Variants in HPSE2 observed in about 807,000 individuals in gnomAD.
HPSE2 encodes the protein heparanase 2 (inactive).
Under a neutral mutation model 60.5 loss-of-function variants are expected in HPSE2, and 38 were observed. That is an observed-to-expected ratio of 0.63 (90% CI 0.48 to 0.82). The LOEUF is 0.82. Ranked by LOEUF, HPSE2 falls within the 40% of genes least tolerant of loss-of-function variation. The pLI, the probability that HPSE2 is intolerant of heterozygous loss-of-function variation, is 0.00. For synonymous variants in HPSE2, 295 were observed against 293.2 expected, an observed-to-expected ratio of 1.01 and a Z score of -0.06; for missense variants, 713 against 740.4, an observed-to-expected ratio of 0.96 and a Z score of 0.43.
intron 9 of HPSE2, among the ~76,000 whole-genome samples, chr10:98,541,044 T>C (rs1236210262): frequency 6.6e-6 from 1 of 152,202 alleles, no homozygotes; most frequent in Non-Finnish European, 1.5e-5. Context: ...ATTAATTCTC[T>C]TCATATAATT....
chr10:99,136,496 A>C (rs1386605589), intron 3 of HPSE2, among the ~76,000 whole-genome samples: 1 of 152,222 alleles, frequency 6.6e-6, no homozygotes, highest in Non-Finnish European at 1.5e-5. Context: ...CCTCAATAAA[A>C]TACTGGCAAA....
intron 9 of HPSE2, among the ~76,000 whole-genome samples, chr10:98,560,751 T>C (rs1810489911): frequency 6.6e-6 from 1 of 152,206 alleles, no homozygotes; most frequent in African/African-American, 2.4e-5. Flanking sequence ...CACAAGACTA[T>C]AATAGAGCTG....
intron 3 of HPSE2, among the ~76,000 whole-genome samples, chr10:98,817,841 T>G (rs565945701): frequency 6.6e-6 from 1 of 152,356 alleles, no homozygotes; most frequent in East Asian, 1.9e-4. Context: ...TCACCAAGAT[T>G]ACTGAGGACC....
intron 6 of HPSE2, among the ~76,000 whole-genome samples, chr10:98,666,529 G>A (rs1342120671): frequency 1.3e-5 from 2 of 152,044 alleles, no homozygotes; most frequent in East Asian, 3.8e-4. Context: ...ACTACATGCT[G>A]AGTCATAGAG....
chr10:99,011,430 T>C (rs1454122848), intron 3 of HPSE2, among the ~76,000 whole-genome samples: 8 of 151,940 alleles, frequency 5.3e-5, no homozygotes, highest in Non-Finnish European at 2.9e-5. Context: ...CTAAAACGTA[T>C]CAGTTTGGAT....
At chr10:99,019,852 C>T (rs564997253) in intron 3 of HPSE2, among the ~76,000 whole-genome samples, 22 of 151,854 alleles carry the variant, frequency 1.4e-4, no homozygotes, top group South Asian at 4.2e-4. Context: ...GCTGAGATTA[C>T]GGGCATGCAC....
the HPSE2 span, among the ~76,000 whole-genome samples, chr10:99,270,764 G>T: frequency 1.5e-4 from 23 of 152,270 alleles, no homozygotes; most frequent in African/African-American, 5.3e-4. Flanking sequence ...GAATCCAACA[G>T]TGTATCAAAA....
At chr10:98,723,168 G>T (rs1948973437) in intron 4 of HPSE2, among the ~76,000 whole-genome samples, 1 of 152,138 alleles carries the variant, frequency 6.6e-6, no homozygotes, top group Non-Finnish European at 1.5e-5. Context: ...AGAGTTTTTA[G>T]CATGAAGGTG....
intron 3 of HPSE2, among the ~76,000 whole-genome samples, chr10:98,796,126 G>T (rs1950774462): frequency 6.6e-6 from 1 of 152,172 alleles, no homozygotes; most frequent in African/African-American, 2.4e-5. Flanking sequence ...GACTCCTTGT[G>T]TTTGAGAAAG....
intron 3 of HPSE2, among the ~76,000 whole-genome samples, chr10:99,117,205 TTAA>T (rs1844729080): frequency 6.6e-6 from 1 of 150,944 alleles, no homozygotes; most frequent in African/African-American, 2.4e-5. Context: ...AATTAATTAA[TTAA>T]TAAATTAAAT....
At chr10:99,137,521 GC>G (rs1347414429) in intron 3 of HPSE2, among the ~76,000 whole-genome samples, 1 of 152,170 alleles carries the variant, frequency 6.6e-6, no homozygotes, top group African/African-American at 2.4e-5. Flanking sequence ...AACCAAAACA[GC>G]ATGGTACTGG....
intron 9 of HPSE2, among the ~76,000 whole-genome samples, chr10:98,516,339 G>A (rs942056002): frequency 6.6e-6 from 1 of 152,158 alleles, no homozygotes; most frequent in African/African-American, 2.4e-5. Flanking sequence ...TGTATTCGGT[G>A]CTTTATAAAT....
chr10:99,108,357 C>A (rs556497834), intron 3 of HPSE2, among the ~76,000 whole-genome samples: 4 of 151,646 alleles, frequency 2.6e-5, no homozygotes, highest in Admixed American at 6.6e-5. Flanking sequence ...CTGAAAGAAA[C>A]CTGTAGCAAC....
chr10:99,062,436 T>C (rs1162016900), intron 3 of HPSE2, among the ~76,000 whole-genome samples: 1 of 152,240 alleles, frequency 6.6e-6, no homozygotes, highest in African/African-American at 2.4e-5. Context: ...GTCATTCTTC[T>C]TATTCACAGA....
chr10:98,479,668 A>G (rs1310265352), intron 11 of HPSE2, among the ~76,000 whole-genome samples: 1 of 152,242 alleles, frequency 6.6e-6, no homozygotes, highest in African/African-American at 2.4e-5. Flanking sequence ...ATTTATAGGC[A>G]GAACAGACTC....
At chr10:98,964,605 A>G (rs910327621) in intron 3 of HPSE2, among the ~76,000 whole-genome samples, 1 of 151,958 alleles carries the variant, frequency 6.6e-6, no homozygotes, top group Non-Finnish European at 1.5e-5. Flanking sequence ...TTCACTCTAG[A>G]TGTTAGTATT....
chr10:98,728,311 G>A (rs1589721308), intron 4 of HPSE2, among the ~76,000 whole-genome samples: 1 of 152,252 alleles, frequency 6.6e-6, no homozygotes, highest in East Asian at 1.9e-4. Flanking sequence ...ACTGAAGCAA[G>A]TTTCTGTATT....
chr10:98,600,603 G>C (rs967432763), intron 9 of HPSE2, among the ~76,000 whole-genome samples: 11 of 151,710 alleles, frequency 7.3e-5, no homozygotes, highest in Admixed American at 7.2e-4. Flanking sequence ...TCATGGAGAA[G>C]GAGGAAAAAA....
At chr10:98,817,600 T>C (rs1404681651) in intron 3 of HPSE2, among the ~76,000 whole-genome samples, 6 of 152,186 alleles carry the variant, frequency 3.9e-5, no homozygotes, top group Non-Finnish European at 5.9e-5. Context: ...CTTGAAGCTC[T>C]GGTTTCTTCT....
Sources: allele counts gnomAD v4.1 joint callset (sites outside exome capture counted in the v4.1 genomes callset), GRCh38; gene constraint gnomAD v4.1.1; transcripts MANE v1.5; gene names NCBI Gene and HGNC (gene_info 2026-07-23, HGNC 2026-07-21).